The following SDK1 variants were observed in gnomAD, a reference collection of about 807,000 sequenced individuals.
The protein encoded by SDK1 is sidekick cell adhesion molecule 1.
Under a neutral mutation model 245.5 loss-of-function variants are expected in SDK1, and 157 were observed. That is an observed-to-expected ratio of 0.64 (90% CI 0.56 to 0.73). The LOEUF (loss-of-function observed/expected upper bound fraction) is 0.73, where lower values mean the gene tolerates loss of function less well. Among genes scored for constraint, SDK1 ranks in the 30% least tolerant of loss-of-function variants. SDK1 has a pLI of 0.00. For synonymous variants in SDK1, 1,647 were observed against 1,278.5 expected, an observed-to-expected ratio of 1.29 and a Z score of -6.15; for missense variants, 3,583 against 3,002.3, an observed-to-expected ratio of 1.19 and a Z score of -4.52.
chr7:3,514,067 T>G (rs550239011), intron 1 of SDK1, among the ~76,000 whole-genome samples: 1 of 152,278 alleles, frequency 6.6e-6, no homozygotes, highest in East Asian at 1.9e-4. Flanking sequence ...ATGTCTGTAC[T>G]GTTGTGATGG....
rs10270639 is a variant in SDK1 at position 3,785,074 on chromosome 7, G to A, written c.714-36376G>A. ...GCAGCAGCATGGATGGAATCAGAGA[G>A]CGTTATCCTCAGTGAAAGAAGCCAG... On this transcript the variant is annotated intron_variant, in intron 4 of 44. Transcript: ENST00000404826. 5.6e-3 allele frequency among the ~76,000 whole-genome samples: 852 copies of A among 152,296 alleles called. 9 individuals carry two copies. The highest frequency in any genetic ancestry group is 0.02 in the African/African-American group (819 of 41,556).
At position 4,139,670 on chromosome 7, in the gene SDK1, TGTGTATATGTG is replaced by T. The variant is rs1324315383; in HGVS notation, c.4229-6051_4229-6041del. ...GTATATGTGTGTGTGTATATGTGTG[TGTGTATATGTG>T]TGTGTGTGTATGTGTGTGTGTGTAT... is the stretch of plus-strand genomic sequence containing the variant. On this transcript the variant is annotated intron_variant, in intron 28 of 44. Transcript: ENST00000404826. 3.0e-3 allele frequency among the ~76,000 whole-genome samples: 411 copies of T among 135,304 alleles called. 50 individuals carry two copies. The highest frequency in any genetic ancestry group is 4.7e-3 in the African/African-American group (163 of 34,370). 88.8% of individuals were successfully genotyped at this position (135,304 alleles called of 152,430 possible). A position where few individuals can be genotyped will look rare whatever the true frequency, so the allele number is the denominator to read the frequency against.
chr7:4,001,792 A>C (rs1040378908), intron 14 of SDK1, among the ~76,000 whole-genome samples: 8 of 152,174 alleles, frequency 5.3e-5, no homozygotes, highest in African/African-American at 1.9e-4. Context: ...CCCCTGTTCT[A>C]TGAAGTCTTT....
chr7:3,394,976 C>G (rs1406818094), intron 1 of SDK1, among the ~76,000 whole-genome samples: 1 of 151,982 alleles, frequency 6.6e-6, no homozygotes, highest in African/African-American at 2.4e-5. Context: ...ACTTTCTTTA[C>G]AAACCGAATG....
intron 5 of SDK1, among the ~76,000 whole-genome samples, chr7:3,950,687 G>A (rs1780772392): frequency 6.6e-6 from 1 of 152,156 alleles, no homozygotes; most frequent in Non-Finnish European, 1.5e-5. Flanking sequence ...ACGCGCTTTT[G>A]TAGCCCCGTT....
chr7:3,582,992 C>G (rs1261729181), intron 1 of SDK1, among the ~76,000 whole-genome samples: 3 of 152,180 alleles, frequency 2.0e-5, no homozygotes, highest in African/African-American at 4.8e-5. Context: ...AAGTGTGCTG[C>G]AGAGTGCATT....
chr7:3,819,991 C>T (rs1779601810), intron 4 of SDK1, among the ~76,000 whole-genome samples: 1 of 152,200 alleles, frequency 6.6e-6, no homozygotes, highest in African/African-American at 2.4e-5. Flanking sequence ...CTATAGAGTA[C>T]CACAATTGTG....
At position 4,136,653 on chromosome 7, in the gene SDK1, C is replaced by T. The variant is rs76216046; in HGVS notation, c.4228+4230C>T. ...CAGACGTCCCTCCCTCACCCACCAG[C>T]TGACACCACATGGCCTTGACTGGTA... On this transcript the variant is annotated intron_variant, in intron 28 of 44. Transcript: ENST00000404826. Among the ~76,000 whole-genome samples the T allele has an allele frequency of 8.5e-3, 1,300 of 152,344 alleles. 23 individuals are homozygous for T. The highest frequency in any genetic ancestry group is 0.03 in the African/African-American group (1,255 of 41,584).
intron 4 of SDK1, among the ~76,000 whole-genome samples, chr7:3,650,472 A>G (rs906502035): frequency 1.3e-5 from 2 of 152,172 alleles, no homozygotes; most frequent in Middle Eastern, 3.2e-3. Context: ...TTTTCCACCT[A>G]TTTTTAATTA....
At position 4,129,950 on chromosome 7, in the gene SDK1, C is replaced by T. The variant is rs760552750; in HGVS notation, c.3982C>T (p.His1328Tyr). 3.1e-6 allele frequency: 5 copies of T among 1,613,858 alleles called. No homozygotes were observed. Among genetic ancestry groups the T allele is most frequent in the Non-Finnish European group, 4.2e-6 (5 of 1,179,958 alleles). The change falls in exon 27 of 45, where the codon CAC becomes TAC. Residue 1328 changes from histidine (H) to tyrosine (Y), a missense_variant. His to Tyr is a moderately conservative substitution (Grantham distance 83). Coordinates refer to ENST00000404826, the MANE Select transcript of SDK1 (RefSeq NM_152744.4). ...AGACCTGGATCCCGAGCCCAGGAGC[C>T]ACATCGTGCGAGGGAACCACACGCA... ...AKDLDPEPRS[H>Y]IVRGNHTQSA...
In SDK1 at chr7:4,174,291, G is replaced by A; in HGVS notation, c.4870G>A (p.Glu1624Lys). ...GATCTACTACAGGGAGCTGGAGTAT[G>A]AAGCCGGGTCAGGCACTGAGGCCAA... is the stretch of plus-strand genomic sequence containing the variant. The part of the protein sequence containing the change: ...YRIYYRELEY[E>K]AGSGTEAKTL... The change falls in exon 33 of 45, where the codon GAA (glutamate) becomes AAA (lysine). Residue 1624 changes from glutamate (E) to lysine (K), a missense_variant. Physicochemically the swap from Glu to Lys is moderately conservative, Grantham distance 56. Coordinates refer to ENST00000404826, the MANE Select transcript of SDK1 (RefSeq NM_152744.4). 6.2e-7 allele frequency: 1 copy of A among 1,613,978 alleles called. No homozygotes were observed. The highest frequency in any genetic ancestry group is 8.5e-7 in the Non-Finnish European group (1 of 1,179,858).
intron 1 of SDK1, among the ~76,000 whole-genome samples, chr7:3,502,548 C>T (rs1782251246): frequency 6.6e-6 from 1 of 152,106 alleles, no homozygotes; most frequent in South Asian, 2.1e-4. Flanking sequence ...CATTCCCAGC[C>T]AGGATGATTT....
intron 4 of SDK1, among the ~76,000 whole-genome samples, chr7:3,693,252 C>T (rs908372775): frequency 6.6e-6 from 1 of 151,858 alleles, no homozygotes; most frequent in African/African-American, 2.4e-5. Flanking sequence ...CTTTTGTAAA[C>T]CTGTTTTTCT....
intron 13 of SDK1, among the ~76,000 whole-genome samples, chr7:3,978,783 G>A (rs1171203407): frequency 6.6e-6 from 1 of 152,152 alleles, no homozygotes; most frequent in Non-Finnish European, 1.5e-5. Context: ...ATTGCCAAAG[G>A]GAAGGGACTG....
At chr7:3,780,007 GTC>G (rs1434750612) in intron 4 of SDK1, among the ~76,000 whole-genome samples, 1 of 151,194 alleles carries the variant, frequency 6.6e-6, no homozygotes, top group Non-Finnish European at 1.5e-5. Context: ...AGAAGCCTCA[GTC>G]TCTACTCCCC....
intron 5 of SDK1, among the ~76,000 whole-genome samples, chr7:3,889,533 T>A (rs1373462751): frequency 6.6e-6 from 1 of 151,760 alleles, no homozygotes; most frequent in African/African-American, 2.4e-5. Flanking sequence ...TTAGGGATGG[T>A]GTCTTGCTCT....
intron 4 of SDK1, among the ~76,000 whole-genome samples, chr7:3,749,388 C>G (rs1210230345): frequency 1.3e-5 from 2 of 152,172 alleles, no homozygotes; most frequent in Non-Finnish European, 2.9e-5. Context: ...CAACCTCTGC[C>G]TCCCAGGTTC....
intron 28 of SDK1, among the ~76,000 whole-genome samples, chr7:4,138,566 G>A (rs951525118): frequency 1.3e-5 from 2 of 152,154 alleles, no homozygotes; most frequent in East Asian, 1.9e-4. Flanking sequence ...GGCCAACATG[G>A]TGAAACCCCG....
chr7:3,323,594 C>T (rs1003914960), intron 1 of SDK1, among the ~76,000 whole-genome samples: 5 of 152,196 alleles, frequency 3.3e-5, no homozygotes, highest in Non-Finnish European at 7.3e-5. Context: ...AACTTGAATT[C>T]CTTTTCGTGT....
Sources: gnomAD v4.1 joint callset for allele counts (sites outside exome capture counted in the v4.1 genomes callset) on GRCh38, gnomAD v4.1.1 for gene constraint, MANE v1.5 for transcripts, NCBI Gene and HGNC (gene_info 2026-07-23, HGNC 2026-07-21) for gene names.